The following CLEC16A variants were observed in gnomAD, a reference collection of about 807,000 sequenced individuals.
CLEC16A encodes the protein protein CLEC16A.
A neutral mutation model predicts 109.5 loss-of-function variants in CLEC16A; 51 were observed. The observed-to-expected ratio is 0.47, with a 90% confidence interval of 0.37 to 0.59. The LOEUF is 0.59. CLEC16A is among the 20% of genes least tolerant of loss of function. CLEC16A has a pLI of 0.00. For missense variants in CLEC16A, 1,339 were observed against 1,394.0 expected (o/e 0.96, Z 0.63); for synonymous variants, 673 against 564.2 (o/e 1.19, Z -2.73).
intron 18 of CLEC16A, among the ~76,000 whole-genome samples, chr16:11,051,971 A>T (rs1470888126): frequency 1.3e-5 from 2 of 152,230 alleles, no homozygotes; most frequent in African/African-American, 4.8e-5. Flanking sequence ...TGAGCACGGT[A>T]CATCCAGTGC....
chr16:10,946,540 C>G (rs36094971), intron 1 of CLEC16A, among the ~76,000 whole-genome samples: 169 of 151,562 alleles, frequency 1.1e-3, no homozygotes, highest in African/African-American at 3.8e-3. Context: ...GGCAGCTGGC[C>G]GGGAAAGGGA....
intron 7 of CLEC16A, among the ~76,000 whole-genome samples, chr16:10,975,486 T>A (rs1476372261): frequency 6.6e-6 from 1 of 152,208 alleles, no homozygotes; most frequent in Non-Finnish European, 1.5e-5. Flanking sequence ...ACTTTAAATA[T>A]ACCATTAGAG....
intron 19 of CLEC16A, among the ~76,000 whole-genome samples, chr16:11,100,744 T>C (rs960399845): frequency 2.6e-5 from 4 of 152,246 alleles, no homozygotes; most frequent in African/African-American, 9.6e-5. Flanking sequence ...GTCAGATGCT[T>C]ATTAAATATT....
At chr16:11,004,057 T>G (rs1337955516) in intron 11 of CLEC16A, among the ~76,000 whole-genome samples, 1 of 152,198 alleles carries the variant, frequency 6.6e-6, no homozygotes, top group African/African-American at 2.4e-5. Flanking sequence ...TAAGGTTTTT[T>G]AAGTCCTGTC....
intron 9 of CLEC16A, 131 bp downstream of exon 9, chr16:10,979,513 A>G (rs984442888): frequency 1.3e-6 from 1 of 753,578 alleles, no homozygotes; most frequent in Non-Finnish European, 2.2e-6. Context: ...AAATAACAGC[A>G]AAACAGAAGG....
intron 19 of CLEC16A, among the ~76,000 whole-genome samples, chr16:11,080,701 T>C (rs1298147116): frequency 1.1e-4 from 17 of 152,184 alleles, no homozygotes; most frequent in Non-Finnish European, 2.2e-4. Context: ...ATTCTAAAGG[T>C]CGCCTGTGCT....
intron 19 of CLEC16A, among the ~76,000 whole-genome samples, chr16:11,082,148 G>T (rs1047419953): frequency 5.9e-5 from 9 of 152,214 alleles, no homozygotes; most frequent in African/African-American, 1.9e-4. Context: ...GATTTTGATG[G>T]CTCTTGTTAA....
At chr16:10,988,286 T>C (rs959355850) in intron 10 of CLEC16A, among the ~76,000 whole-genome samples, 8 of 152,228 alleles carry the variant, frequency 5.3e-5, no homozygotes, top group Admixed American at 1.3e-4. Context: ...TTCATTCATT[T>C]ATTCATCTAT....
chr16:11,004,320 G>T (rs980289274), intron 11 of CLEC16A, among the ~76,000 whole-genome samples: 2 of 152,222 alleles, frequency 1.3e-5, no homozygotes, highest in African/African-American at 4.8e-5. Context: ...GGGCACTGGG[G>T]CTGGGGGCAG....
At chr16:10,996,862 A>T in intron 10 of CLEC16A, among the ~76,000 whole-genome samples, 1 of 152,150 alleles carries the variant, frequency 6.6e-6, no homozygotes, top group African/African-American at 2.4e-5. Context: ...GTGATCAGTG[A>T]ATCCAGCTCT....
rs185270325 is a variant in CLEC16A, at chr16:11,062,696, T to C, written c.2116+1674T>C. Among the ~76,000 whole-genome samples, 527 of 152,296 alleles carry C rather than the reference T, an allele frequency of 3.5e-3. 5 individuals carry two copies. The highest frequency in any genetic ancestry group is 0.011 in the African/African-American group (476 of 41,572). ...GTTTCTTTTTCTGGCCTTATTTATG[T>C]TTTATCTTTCCCTTTCTTGGAAGAA... is the stretch of plus-strand genomic sequence containing the variant. On this transcript the variant is annotated intron_variant, in intron 19 of 23. Coordinates refer to ENST00000409790, the MANE Select transcript of CLEC16A (RefSeq NM_015226.3).
intron 10 of CLEC16A, among the ~76,000 whole-genome samples, chr16:10,991,068 C>G (rs2043977469): frequency 6.6e-6 from 1 of 152,094 alleles, no homozygotes; most frequent in Admixed American, 6.5e-5. Flanking sequence ...AAACCTTGAC[C>G]TCCAGGAACT....
Position 11,157,958 on chromosome 16 carries a change from A to C in CLEC16A, c.2642-8430A>C, listed in dbSNP as rs369800442. ...TCAGAAGCACGAACAAGAAGGTTCT[A>C]TGTCACCTGCAGATCTTTCTAGTAA... On this transcript the variant is annotated intron_variant, in intron 22 of 23. Transcript: ENST00000409790. Among the ~76,000 whole-genome samples, 4 of 152,138 alleles carry C rather than the reference A, an allele frequency of 2.6e-5. No homozygotes were observed. The South Asian group carries it at 8.3e-4, about 32-fold the overall frequency.
chr16:11,091,163 C>T (rs183918672), intron 19 of CLEC16A, among the ~76,000 whole-genome samples: 11 of 152,308 alleles, frequency 7.2e-5, no homozygotes, highest in African/African-American at 2.6e-4. Context: ...AGCAGTTTTC[C>T]CTCCTGTGTT....
At chr16:11,141,470 G>A (rs1228419189) in intron 22 of CLEC16A, among the ~76,000 whole-genome samples, 11 of 152,258 alleles carry the variant, frequency 7.2e-5, no homozygotes, top group Admixed American at 5.2e-4. Context: ...TGCCGCCAGA[G>A]CACGGGGTGT....
At chr16:11,073,695 G>T (rs1297884408) in intron 19 of CLEC16A, among the ~76,000 whole-genome samples, 1 of 152,132 alleles carries the variant, frequency 6.6e-6, no homozygotes, top group African/African-American at 2.4e-5. Flanking sequence ...TGCCTGGATG[G>T]CCCTCCCAGC....
chr16:10,983,501 G>T (rs1036713174), intron 10 of CLEC16A, among the ~76,000 whole-genome samples: 1 of 152,172 alleles, frequency 6.6e-6, no homozygotes, highest in Non-Finnish European at 1.5e-5. Flanking sequence ...CTAGAGAAGC[G>T]GGAAAAACGC....
chr16:11,123,983 A>G (rs752207186), intron 21 of CLEC16A, 37 bp downstream of exon 21: 2 of 1,553,788 alleles, frequency 1.3e-6, no homozygotes, highest in South Asian at 1.2e-5. Flanking sequence ...TCCTCTGAGC[A>G]CTTGGTGGGT....
intron 22 of CLEC16A, among the ~76,000 whole-genome samples, chr16:11,165,234 T>G (rs992997197): frequency 6.6e-6 from 1 of 151,950 alleles, no homozygotes; most frequent in African/African-American, 2.4e-5. Context: ...CACACACCTG[T>G]AATCCCAGAA....
Sources: gnomAD v4.1 joint callset for allele counts (sites outside exome capture counted in the v4.1 genomes callset) on GRCh38, gnomAD v4.1.1 for gene constraint, MANE v1.5 for transcripts, NCBI Gene and HGNC (gene_info 2026-07-23, HGNC 2026-07-21) for gene names.